The following FRMPD3 variants were observed in gnomAD, a reference collection of about 807,000 sequenced individuals.
FRMPD3 encodes the protein FERM and PDZ domain-containing protein 3.
In FRMPD3, 42 loss-of-function variants were observed where a neutral mutation model predicts 97.9. The observed-to-expected ratio is 0.43, with a 90% CI of 0.34 to 0.55. FRMPD3 has a LOEUF of 0.55. Among genes scored for constraint, FRMPD3 ranks in the 20% least tolerant of loss-of-function variants. FRMPD3 has a pLI of 0.03. For synonymous variants in FRMPD3, 577 were observed against 581.1 expected (o/e 0.99, Z 0.10); for missense variants, 1,303 against 1,457.7 (o/e 0.89, Z 1.73).
chrX:107,489,047 C>T (rs754421500), intron 1 of FRMPD3, among the ~76,000 whole-genome samples: 985 of 93,108 alleles, frequency 0.011, 10 homozygotes, highest in African/African-American at 0.038. Flanking sequence ...CATGTGTTCT[C>T]GTTGTTCAAT....
intron 1 of FRMPD3, among the ~76,000 whole-genome samples, chrX:107,498,877 C>G (rs1921838691): frequency 9.0e-6 from 1 of 111,236 alleles, no homozygotes; most frequent in Non-Finnish European, 1.9e-5. Flanking sequence ...TGCAGAGAAT[C>G]TATGACGTTA....
At chrX:107,557,880 A>G (rs1266989208) in intron 8 of FRMPD3, among the ~76,000 whole-genome samples, 1 of 89,148 alleles carries the variant, frequency 1.1e-5, no homozygotes, top group African/African-American at 3.9e-5. Flanking sequence ...CTGTTGGTCT[A>G]CTTGTCTGTC....
At chrX:107,552,312 T>C (rs982131342) in intron 6 of FRMPD3, among the ~76,000 whole-genome samples, 7 of 112,460 alleles carry the variant, frequency 6.2e-5, no homozygotes, top group African/African-American at 2.3e-4. Flanking sequence ...ATTTAAATTA[T>C]GAATCCAGAA....
At chrX:107,516,632 A>T (rs1248965276) in intron 1 of FRMPD3, among the ~76,000 whole-genome samples, 15 of 111,480 alleles carry the variant, frequency 1.3e-4, no homozygotes, top group South Asian at 3.8e-4. Context: ...GCCAGTGATG[A>T]TGAGCATTTT....
chrX:107,564,554 T>C (rs1650510693), intron 11 of FRMPD3, among the ~76,000 whole-genome samples: 1 of 112,065 alleles, frequency 8.9e-6, no homozygotes, highest in Non-Finnish European at 1.9e-5. Context: ...CCCTGGGGCT[T>C]GGAAGGGGAG....
intron 1 of FRMPD3, among the ~76,000 whole-genome samples, chrX:107,525,163 G>A (rs997444781): frequency 5.4e-5 from 6 of 111,525 alleles, no homozygotes; most frequent in African/African-American, 2.0e-4. Flanking sequence ...TACACATACT[G>A]AGGCTAGAAA....
At chrX:107,583,869 C>CT (rs1270872725) in intron 13 of FRMPD3, among the ~76,000 whole-genome samples, 2,587 of 94,796 alleles carry the variant, frequency 0.027, 90 homozygotes, top group African/African-American at 0.083. Flanking sequence ...CTTTTTCTTT[C>CT]TTTTTTTTTT....
intron 11 of FRMPD3, among the ~76,000 whole-genome samples, chrX:107,563,433 C>T (rs1922468636): frequency 8.9e-6 from 1 of 112,081 alleles, no homozygotes; most frequent in Admixed American, 9.4e-5. Context: ...TTTGGGGGCG[C>T]AGCATACTTT....
At chrX:107,480,385 A>C (rs983167125) in intron 1 of FRMPD3, among the ~76,000 whole-genome samples, 1 of 111,621 alleles carries the variant, frequency 9.0e-6, no homozygotes, top group African/African-American at 3.3e-5. Flanking sequence ...TGTTACATGG[A>C]GGGTACTTAG....
chrX:107,551,765 G>A (rs911164278), intron 6 of FRMPD3, among the ~76,000 whole-genome samples: 7 of 112,435 alleles, frequency 6.2e-5, no homozygotes, highest in Admixed American at 9.4e-5. Flanking sequence ...TCCCAGTGCA[G>A]CCAAACTGCA....
chrX:107,529,676 T>C (rs952034071), intron 2 of FRMPD3, among the ~76,000 whole-genome samples: 8 of 112,286 alleles, frequency 7.1e-5, no homozygotes, highest in Admixed American at 3.8e-4. Flanking sequence ...CCCTCATTTA[T>C]TGGACAGTGG....
At chrX:107,536,459 C>T (rs1923245131) in intron 4 of FRMPD3, among the ~76,000 whole-genome samples, 1 of 110,653 alleles carries the variant, frequency 9.0e-6, no homozygotes, top group African/African-American at 3.4e-5. Flanking sequence ...AAAATGTCCT[C>T]GAGATTCATC....
At chrX:107,450,634 G>A (rs1227134042) in intron 1 of FRMPD3, among the ~76,000 whole-genome samples, 1 of 102,219 alleles carries the variant, frequency 9.8e-6, no homozygotes, top group African/African-American at 3.7e-5. Flanking sequence ...AGCTACACTT[G>A]CCCCCTCCCA....
In FRMPD3 at chrX:107,552,720, C is replaced by A. The variant is rs1340403068; in HGVS notation, c.511-75C>A. ...TTTCTTTTCTTGGTGTTTAATCCCCCCTCCCATGTTTGATGCTTAGAATAG... is the reference window on the plus strand; with the variant it reads ...TTTCTTTTCTTGGTGTTTAATCCCCACTCCCATGTTTGATGCTTAGAATAG... On this transcript the variant is annotated intron_variant, in intron 6 of 14. Coordinates refer to ENST00000683843, the MANE Select transcript of FRMPD3 (RefSeq NM_001388459.1). 2.6e-5 allele frequency: 28 copies of A among 1,087,689 alleles called. No homozygotes were observed. In the South Asian group the frequency reaches 3.6e-4, roughly 14 times the overall value. 89.6% of individuals were successfully genotyped at this position (1,087,689 alleles called of 1,213,427 possible). A position where few individuals can be genotyped will look rare whatever the true frequency, so the allele number is the denominator to read the frequency against.
In FRMPD3 at chrX:107,469,626, G is replaced by A. The variant is rs566927241; in HGVS notation, c.-8+19621G>A. Among the ~76,000 whole-genome samples, 31 of 112,667 alleles carry A rather than the reference G, an allele frequency of 2.8e-4. No homozygotes were observed. The South Asian group carries it at 0.011, about 42-fold the overall frequency. On this transcript the variant is annotated intron_variant, in intron 1 of 14. Coordinates refer to ENST00000683843, the MANE Select transcript of FRMPD3 (RefSeq NM_001388459.1). ...ATGTGGACTTCCCATGAGTAATATG[G>A]TTATGAGCATGGGCTCAAATCCCAG...
At chrX:107,455,038 G>A (rs751110418) in intron 1 of FRMPD3, among the ~76,000 whole-genome samples, 13 of 111,395 alleles carry the variant, frequency 1.2e-4, no homozygotes, top group Non-Finnish European at 1.7e-4. Context: ...CTTACCCCAG[G>A]ATCTCCTAAA....
At position 107,525,792 on chromosome X, in the gene FRMPD3, T is replaced by A. The variant is rs527479695; in HGVS notation, c.-7-790T>A. The A allele has an allele frequency of 1.8e-4, 84 of 458,709 alleles. No individual in the cohort carries two copies. In the South Asian group the frequency reaches 2.6e-3, roughly 14 times the overall value. The allele number at this position is 458,709 out of a possible 1,213,427, so 37.8% of individuals were successfully genotyped here. A position where few individuals can be genotyped will look rare whatever the true frequency, so the allele number is the denominator to read the frequency against. ...ATTCAAGTTTAAAATTGCATCAAGA[T>A]GAGCCAGGCATGGTGGCTCACGCCT... On this transcript the variant is annotated intron_variant, in intron 1 of 14. Transcript: ENST00000683843.
At chrX:107,592,300 T>C (rs892887264) in intron 13 of FRMPD3, among the ~76,000 whole-genome samples, 1 of 112,148 alleles carries the variant, frequency 8.9e-6, no homozygotes, top group Non-Finnish European at 1.9e-5. Context: ...TATTTCATTG[T>C]ATATATTTAC....
chrX:107,477,305 A>G (rs1373335309), intron 1 of FRMPD3, among the ~76,000 whole-genome samples: 1 of 94,463 alleles, frequency 1.1e-5, no homozygotes, highest in African/African-American at 3.9e-5. Context: ...ATCCTGGCTC[A>G]GTGATTCTGC....
Sources: gnomAD v4.1 joint callset for allele counts (sites outside exome capture counted in the v4.1 genomes callset) on GRCh38, gnomAD v4.1.1 for gene constraint, MANE v1.5 for transcripts, NCBI Gene and HGNC (gene_info 2026-07-23, HGNC 2026-07-21) for gene names.